The following EXOC4 variants were observed in gnomAD, a reference collection of about 807,000 sequenced individuals.
EXOC4 encodes SEC8-like 1.
Under a neutral mutation model 107.2 loss-of-function variants are expected in EXOC4, and 71 were observed. That is an observed-to-expected ratio of 0.66 (90% confidence interval 0.55 to 0.81). The LOEUF is 0.81. EXOC4 is among the 30% of genes least tolerant of loss of function. The pLI is 0.00. For missense variants in EXOC4, 1,108 were observed against 1,189.6 expected (o/e 0.93, Z 1.01); for synonymous variants, 456 against 441.2 (o/e 1.03, Z -0.42).
rs35334259 is a variant in EXOC4 at position 133,412,278 on chromosome 7, GTTT to G, written c.1182+37297_1182+37299del. 1.5e-4 allele frequency among the ~76,000 whole-genome samples: 11 copies of G among 71,478 alleles called. No homozygotes were observed. In the East Asian group the frequency reaches 1.6e-3, roughly 10 times the overall value. The allele number at this position is 71,478 out of a possible 152,430, so 46.9% of individuals were successfully genotyped here. On this transcript the variant is annotated intron_variant, in intron 7 of 17. Coordinates refer to ENST00000253861, the MANE Select transcript of EXOC4 (RefSeq NM_021807.4). ...ATCTGGTCAATACTGTCAGAATTCA[GTTT>G]TTTTTTTTTTTTTTTTTTTTGCCAG...
At chr7:133,497,463 G>A (rs1323791722) in intron 9 of EXOC4, among the ~76,000 whole-genome samples, 2 of 145,648 alleles carry the variant, frequency 1.4e-5, no homozygotes, top group South Asian at 2.2e-4. Flanking sequence ...GTCTTGCTGT[G>A]TTGCCCAGGC....
At chr7:133,279,642 C>T (rs185416967) in intron 2 of EXOC4, among the ~76,000 whole-genome samples, 1,820 of 152,226 alleles carry the variant, frequency 0.012, 28 homozygotes, top group African/African-American at 0.041. Flanking sequence ...CCTTAGCCTC[C>T]TGAGTAGTTG....
chr7:134,011,973 G>A (rs1210601758), intron 17 of EXOC4, among the ~76,000 whole-genome samples: 2 of 152,020 alleles, frequency 1.3e-5, no homozygotes, highest in African/African-American at 4.8e-5. Flanking sequence ...AGGAAAGAAC[G>A]TCTAAGGGTG....
At chr7:133,988,519 A>C (rs1794171750) in intron 14 of EXOC4, among the ~76,000 whole-genome samples, 1 of 152,208 alleles carries the variant, frequency 6.6e-6, no homozygotes. Flanking sequence ...ATAATACATA[A>C]TTCTTTCACT....
intron 9 of EXOC4, among the ~76,000 whole-genome samples, chr7:133,587,136 G>A (rs190770323): frequency 1.3e-5 from 2 of 152,182 alleles, no homozygotes; most frequent in Non-Finnish European, 1.5e-5. Context: ...GCCTGGCCCT[G>A]ATCCCATTTT....
intron 7 of EXOC4, among the ~76,000 whole-genome samples, chr7:133,427,401 A>G (rs1050009542): frequency 3.3e-5 from 5 of 152,206 alleles, no homozygotes; most frequent in African/African-American, 4.8e-5. Context: ...TGACATGACA[A>G]CCTTGAAACT....
intron 12 of EXOC4, among the ~76,000 whole-genome samples, chr7:133,896,439 A>C (rs1799309708): frequency 6.6e-6 from 1 of 152,198 alleles, no homozygotes; most frequent in African/African-American, 2.4e-5. Context: ...AAGGATAGAT[A>C]GGTAAAGTGC....
intron 10 of EXOC4, among the ~76,000 whole-genome samples, chr7:133,683,286 C>T (rs1434736660): frequency 6.6e-6 from 1 of 152,144 alleles, no homozygotes; most frequent in Non-Finnish European, 1.5e-5. Flanking sequence ...TCAAAGATAG[C>T]ACTCCTTGTT....
chr7:133,910,173 C>T (rs989145335), intron 12 of EXOC4, among the ~76,000 whole-genome samples: 2 of 152,154 alleles, frequency 1.3e-5, no homozygotes, highest in South Asian at 4.1e-4. Flanking sequence ...CCACCCATCT[C>T]GGCCTCCCAA....
chr7:133,301,497 C>T (rs894921806), intron 3 of EXOC4, among the ~76,000 whole-genome samples: 5 of 152,146 alleles, frequency 3.3e-5, no homozygotes, highest in African/African-American at 1.2e-4. Context: ...GGGAGATTTA[C>T]TGACCTAGTG....
At chr7:133,519,940 T>A (rs1157297627) in intron 9 of EXOC4, among the ~76,000 whole-genome samples, 1 of 152,126 alleles carries the variant, frequency 6.6e-6, no homozygotes, top group African/African-American at 2.4e-5. Context: ...TTAATTCACC[T>A]CACATTAGCT....
At chr7:133,848,356 T>G (rs1585195651) in intron 11 of EXOC4, among the ~76,000 whole-genome samples, 1 of 152,148 alleles carries the variant, frequency 6.6e-6, no homozygotes, top group East Asian at 1.9e-4. Context: ...TTATAGCTGG[T>G]TTCCCTCCCA....
rs193066738 is a variant in EXOC4 at position 133,609,645 on chromosome 7, A to G, written c.1418-20400A>G. 2.0e-3 allele frequency among the ~76,000 whole-genome samples: 299 copies of G among 152,336 alleles called. 1 individual carries two copies. The highest frequency in any genetic ancestry group is 6.5e-3 in the African/African-American group (270 of 41,586). On this transcript the variant is annotated intron_variant, in intron 9 of 17. Coordinates refer to ENST00000253861, the MANE Select transcript of EXOC4 (RefSeq NM_021807.4). ...TGGGAAAAATCTGTATTTAAACATC[A>G]TTGCCTTACATGTGATTTTATCCTG...
At chr7:133,809,698 A>G (rs962556435) in intron 10 of EXOC4, among the ~76,000 whole-genome samples, 10 of 152,230 alleles carry the variant, frequency 6.6e-5, no homozygotes, top group African/African-American at 2.2e-4. Context: ...TACGTTATTC[A>G]TCCTAAACTA....
chr7:133,716,969 A>G (rs1795010848), intron 10 of EXOC4, among the ~76,000 whole-genome samples: 1 of 152,208 alleles, frequency 6.6e-6, no homozygotes, highest in Non-Finnish European at 1.5e-5. Flanking sequence ...AATATTCTTT[A>G]AAAGTACATT....
intron 9 of EXOC4, among the ~76,000 whole-genome samples, chr7:133,600,306 A>G (rs1362195560): frequency 1.3e-5 from 2 of 152,180 alleles, no homozygotes; most frequent in Non-Finnish European, 2.9e-5. Context: ...ACCTTTTGGT[A>G]TCTTGGTTTT....
intron 9 of EXOC4, among the ~76,000 whole-genome samples, chr7:133,532,561 CAT>C (rs1176217798): frequency 2.0e-5 from 3 of 151,986 alleles, no homozygotes; most frequent in Non-Finnish European, 4.4e-5. Context: ...TAAAAGAAAA[CAT>C]AGTTCTAGGA....
Position 133,356,434 on chromosome 7 carries a change from A to C in EXOC4, c.868A>C (p.Lys290Gln). The C allele has an allele frequency of 6.2e-7, 1 of 1,614,172 alleles. No individual in the cohort carries two copies. The highest frequency in any genetic ancestry group is 8.5e-7 in the Non-Finnish European group (1 of 1,180,030). ...GILIKGLAKL[K>Q]KIPETVKAII... ...CCTCATTAAGGGCTTGGCGAAACTG[A>C]AGAAGATCCCAGAAACAGTTAAGGC... Residue 290 changes from lysine to glutamine, a missense_variant, in exon 6 of 18, where the codon AAG (lysine) becomes CAG (glutamine). Physicochemically the swap from Lys to Gln is moderately conservative, Grantham distance 53. Coordinates refer to ENST00000253861, the MANE Select transcript of EXOC4 (RefSeq NM_021807.4).
At chr7:133,631,628 G>T (rs1008846639) in intron 10 of EXOC4, among the ~76,000 whole-genome samples, 3 of 151,732 alleles carry the variant, frequency 2.0e-5, no homozygotes, top group Non-Finnish European at 4.4e-5. Context: ...AGGAACCATG[G>T]GATTAAGAAA....
Sources: allele counts gnomAD v4.1 joint callset (sites outside exome capture counted in the v4.1 genomes callset), GRCh38; gene constraint gnomAD v4.1.1; transcripts MANE v1.5; gene names NCBI Gene and HGNC (gene_info 2026-07-23, HGNC 2026-07-21).